NR2C2: variants seen among roughly 807,000 people sequenced by gnomAD.
NR2C2 encodes Nuclear hormone receptor TR4.
Under a neutral mutation model 62.9 loss-of-function variants are expected in NR2C2, and 6 were observed. The ratio of observed to expected loss-of-function variants is 0.10; its 90% CI spans 0.05 to 0.19. The LOEUF (loss-of-function observed/expected upper bound fraction) is 0.19. Ranked by LOEUF, NR2C2 falls within the 10% of genes least tolerant of loss-of-function variation. The pLI is 1.00. For synonymous variants in NR2C2, 272 were observed against 273.8 expected, an observed-to-expected ratio of 0.99 and a Z score of 0.07; for missense variants, 479 against 762.7, an observed-to-expected ratio of 0.63 and a Z score of 4.38.
intron 1 of NR2C2, among the ~76,000 whole-genome samples, chr3:14,989,778 CA>C (rs2040614674): frequency 6.6e-6 from 1 of 151,454 alleles, no homozygotes; most frequent in African/African-American, 2.4e-5. Flanking sequence ...ACTAAAAATA[CA>C]AAATTAGCAG....
At chr3:15,031,274 C>A (rs1056994758) in intron 9 of NR2C2, among the ~76,000 whole-genome samples, 1 of 152,200 alleles carries the variant, frequency 6.6e-6, no homozygotes, top group Non-Finnish European at 1.5e-5. Context: ...TGCTGTCATT[C>A]ACTGGTCTCA....
intron 4 of NR2C2, among the ~76,000 whole-genome samples, chr3:15,018,630 G>A (rs1322829438): frequency 1.3e-5 from 2 of 152,050 alleles, no homozygotes; most frequent in African/African-American, 2.4e-5. Context: ...TTGGCAGGCC[G>A]AGGTGGGCAG....
chr3:15,030,722 G>A (rs2041960065), intron 9 of NR2C2, among the ~76,000 whole-genome samples: 1 of 152,188 alleles, frequency 6.6e-6, no homozygotes, highest in Admixed American at 6.5e-5. Flanking sequence ...CACCTACTCA[G>A]GAGGCTGAGG....
rs563116807 is a variant in NR2C2 at position 14,974,609 on chromosome 3, G to GTT, written c.-40+26716_-40+26717dup. On this transcript the variant is annotated intron_variant, in intron 1 of 13. Coordinates refer to ENST00000425241, the MANE Select transcript of NR2C2 (RefSeq NM_001291694.2). ...GTGTATACTTATGGTTTTTTTGTTG[G>GTT]TTTTTTTTTTTTTTGAGATGGTCTC... Among the ~76,000 whole-genome samples the GTT allele has an allele frequency of 1.8e-3, 250 of 138,790 alleles. 1 individual carries two copies. Among genetic ancestry groups the GTT allele is most frequent in the Middle Eastern group, 7.6e-3 (2 of 264 alleles). The allele number at this position is 138,790 out of a possible 152,430, so 91.1% of individuals were successfully genotyped here.
chr3:15,001,999 A>AT (rs2041017032), intron 1 of NR2C2, among the ~76,000 whole-genome samples: 1 of 151,832 alleles, frequency 6.6e-6, no homozygotes, highest in African/African-American at 2.4e-5. Flanking sequence ...ATTCTGTGGG[A>AT]TTTTTTTCTA....
At position 15,003,893 on chromosome 3, in the gene NR2C2, C is replaced by G. The variant is rs756249419; in HGVS notation, c.-22C>G. The G allele has an allele frequency of 1.3e-5, 21 of 1,613,240 alleles. No homozygotes were observed. The East Asian group carries it at 3.1e-4, about 24-fold the overall frequency. ...ACCCACAGGTAACACGTACACAGAC[C>G]TCTCGGCCGGAATCTCCAGGGATGA... On this transcript the variant is annotated 5_prime_UTR_variant, in exon 2 of 14. Coordinates refer to ENST00000425241, the MANE Select transcript of NR2C2 (RefSeq NM_001291694.2).
In NR2C2 at chr3:14,969,658, A is replaced by G. The variant is rs771292962; in HGVS notation, c.-40+21752A>G. Among the ~76,000 whole-genome samples the G allele has an allele frequency of 1.2e-3, 188 of 152,322 alleles. 2 individuals carry two copies. Among genetic ancestry groups the G allele is most frequent in the Non-Finnish European group, 1.0e-3 (70 of 68,024 alleles). ...AAGAAATCACTCATACACCTAAACT[A>G]TAAGTTGCATGTATGTTTATGCAAT... On this transcript the variant is annotated intron_variant, in intron 1 of 13. Transcript: ENST00000425241.
intron 11 of NR2C2, among the ~76,000 whole-genome samples, chr3:15,036,107 T>C (rs540020789): frequency 2.0e-4 from 31 of 152,216 alleles, no homozygotes; most frequent in African/African-American, 7.2e-4. Context: ...TGAGAATCAC[T>C]TGAACCCAGG....
intron 2 of NR2C2, among the ~76,000 whole-genome samples, chr3:15,006,443 C>T (rs1348082461): frequency 6.6e-6 from 1 of 151,860 alleles, no homozygotes; most frequent in Non-Finnish European, 1.5e-5. Flanking sequence ...TATGTAAATT[C>T]TATGTATACT....
intron 1 of NR2C2, among the ~76,000 whole-genome samples, chr3:14,957,192 A>T (rs906564584): frequency 1.3e-5 from 2 of 152,340 alleles, no homozygotes; most frequent in South Asian, 4.1e-4. Flanking sequence ...TTTATAAGCC[A>T]TGTAACACAT....
chr3:15,001,015 T>C (rs1415545053), intron 1 of NR2C2, among the ~76,000 whole-genome samples: 1 of 151,748 alleles, frequency 6.6e-6, no homozygotes, highest in African/African-American at 2.4e-5. Context: ...AGGGTTTCAC[T>C]GTGTTAGCCA....
rs181138849 is a variant in NR2C2 at position 15,004,758 on chromosome 3, G to T, written c.72+772G>T. Reference sequence around the variant, plus strand: ...TGTTTTTCTTCTTGCAGTTTTATCAGTTTTTTTGGCTCACTTTGATGCTCT... The same window carrying T: ...TGTTTTTCTTCTTGCAGTTTTATCATTTTTTTTGGCTCACTTTGATGCTCT... On this transcript the variant is annotated intron_variant, in intron 2 of 13. Coordinates refer to ENST00000425241, the MANE Select transcript of NR2C2 (RefSeq NM_001291694.2). 5.0e-5 allele frequency: 50 copies of T among 990,538 alleles called. No homozygotes were observed. The East Asian group carries it at 1.3e-3, about 25-fold the overall frequency. The allele number at this position is 990,538 out of a possible 1,614,324, so 61.4% of individuals were successfully genotyped here.
chr3:14,969,389 C>T (rs778367843), intron 1 of NR2C2, among the ~76,000 whole-genome samples: 159 of 151,694 alleles, frequency 1.0e-3, no homozygotes, highest in Non-Finnish European at 1.8e-3. Context: ...ACTACAGGCA[C>T]GTGCCACCAC....
intron 7 of NR2C2, chr3:15,025,436 A>G (rs2041797385): frequency 1.3e-5 from 2 of 152,258 alleles, no homozygotes; most frequent in South Asian, 2.1e-4. Flanking sequence ...TTGGAGGAGA[A>G]TGACCACAAA....
Position 15,010,552 on chromosome 3 carries a change from GA to G in NR2C2, c.73-3026del, listed in dbSNP as rs879605945. Among the ~76,000 whole-genome samples, 679 of 145,782 alleles carry G rather than the reference GA, an allele frequency of 4.7e-3. 1 individual carries two copies. Among genetic ancestry groups the G allele is most frequent in the African/African-American group, 0.016 (640 of 39,954 alleles). ...AAAATAGTAAGACCCCATCTCTAGA[GA>G]AAAAAAAAAATTGCCAGGCATGGTG... On this transcript the variant is annotated intron_variant, in intron 2 of 13. Transcript: ENST00000425241.
At chr3:14,951,400 A>G (rs1014750206) in intron 1 of NR2C2, among the ~76,000 whole-genome samples, 1 of 152,240 alleles carries the variant, frequency 6.6e-6, no homozygotes, top group Non-Finnish European at 1.5e-5. Flanking sequence ...TGGTAAATAA[A>G]ACATTTGTAT....
At chr3:15,040,096 G>A (rs922450232) in intron 13 of NR2C2, among the ~76,000 whole-genome samples, 2 of 151,798 alleles carry the variant, frequency 1.3e-5, no homozygotes, top group African/African-American at 4.8e-5. Flanking sequence ...GTGGGCAGAG[G>A]TTGCAGTGAG....
In NR2C2 at chr3:15,045,512, C is replaced by G. The variant is rs2042417959; in HGVS notation, c.*2504C>G. The G allele has an allele frequency of 1.3e-5, 2 of 152,660 alleles. No individual in the cohort carries two copies. The highest frequency in any genetic ancestry group is 4.8e-5 in the African/African-American group (2 of 41,440). The allele number at this position is 152,660 out of a possible 1,614,324, so 9.5% of individuals were successfully genotyped here. On this transcript the variant is annotated 3_prime_UTR_variant, in exon 14 of 14. Transcript: ENST00000425241. Reference sequence around the variant, plus strand: ...TCCAGGGACTGTTTTGGGCTTTGAACACCTCTTGGTTGGTTTCTGAGATCC... The same window carrying G: ...TCCAGGGACTGTTTTGGGCTTTGAAGACCTCTTGGTTGGTTTCTGAGATCC...
intron 7 of NR2C2, among the ~76,000 whole-genome samples, chr3:15,025,229 A>T (rs895229668): frequency 1.3e-5 from 2 of 152,202 alleles, no homozygotes; most frequent in African/African-American, 4.8e-5. Context: ...TTACCAAGGG[A>T]TTCACAGCAA....
Sources: gnomAD v4.1 joint callset for allele counts (sites outside exome capture counted in the v4.1 genomes callset) on GRCh38, gnomAD v4.1.1 for gene constraint, MANE v1.5 for transcripts, NCBI Gene and HGNC (gene_info 2026-07-23, HGNC 2026-07-21) for gene names.